EEIG2: variants seen among roughly 807,000 people sequenced by gnomAD.
The protein encoded by EEIG2 is family with sequence similarity 102 member B.
the EEIG2 span, among the ~76,000 whole-genome samples, chr1:108,621,653 G>T: frequency 6.6e-6 from 1 of 152,240 alleles, no homozygotes; most frequent in East Asian, 1.9e-4. Flanking sequence ...AAGACATAGA[G>T]GGGATAGGGA....
At chr1:108,619,060 A>G in the EEIG2 span, among the ~76,000 whole-genome samples, 1 of 152,196 alleles carries the variant, frequency 6.6e-6, no homozygotes, top group East Asian at 1.9e-4. Context: ...AACTTAGTAG[A>G]AGAAAATAAA....
chr1:108,617,054 T>A, the EEIG2 span, among the ~76,000 whole-genome samples: 1 of 151,626 alleles, frequency 6.6e-6, no homozygotes, highest in African/African-American at 2.4e-5. Context: ...GTATTTGAGG[T>A]AGAGGAAACA....
the EEIG2 span, among the ~76,000 whole-genome samples, chr1:108,561,167 G>T: frequency 6.6e-6 from 1 of 152,208 alleles, no homozygotes; most frequent in Admixed American, 6.5e-5. Flanking sequence ...TTGTGGGAGG[G>T]CTTAGAGCCA....
At chr1:108,564,364 A>T in the EEIG2 span, among the ~76,000 whole-genome samples, 1 of 152,246 alleles carries the variant, frequency 6.6e-6, no homozygotes, top group Non-Finnish European at 1.5e-5. Flanking sequence ...TAAGTGACTG[A>T]TAAATGATAA....
At chr1:108,602,926 A>T in the EEIG2 span, among the ~76,000 whole-genome samples, 1 of 151,528 alleles carries the variant, frequency 6.6e-6, no homozygotes, top group African/African-American at 2.4e-5. Context: ...TGAGGTAAGG[A>T]CTTCATGTCT....
At chr1:108,633,274 A>G in the EEIG2 span, among the ~76,000 whole-genome samples, 1 of 151,606 alleles carries the variant, frequency 6.6e-6, no homozygotes, top group African/African-American at 2.4e-5. Flanking sequence ...AAATTAGATG[A>G]CTTATGTAAC....
chr1:108,605,525 G>A, the EEIG2 span, among the ~76,000 whole-genome samples: 1 of 152,126 alleles, frequency 6.6e-6, no homozygotes, highest in Admixed American at 6.5e-5. Context: ...TTTAAAAGTA[G>A]GTAGGGAGTG....
At chr1:108,587,442 T>G in the EEIG2 span, among the ~76,000 whole-genome samples, 1 of 152,162 alleles carries the variant, frequency 6.6e-6, no homozygotes, top group Non-Finnish European at 1.5e-5. Context: ...CTTTAAAGTT[T>G]ACGTTAGGCT....
the EEIG2 span, chr1:108,635,764 T>C: frequency 6.6e-6 from 1 of 152,264 alleles, no homozygotes; most frequent in Non-Finnish European, 1.5e-5. Context: ...AACAAGTGCA[T>C]TTAAGTCAGA....
At chr1:108,625,774 C>CTCTGTGTGTGTGTGTG in the EEIG2 span, 1 of 23,220 alleles carries the variant, frequency 4.3e-5, no homozygotes, top group African/African-American at 6.5e-5. Flanking sequence ...CTCTCTCTCT[C>CTCTGTGTGTGTGTGTG]TGTGTGTGTG....
the EEIG2 span, among the ~76,000 whole-genome samples, chr1:108,607,808 C>G: frequency 1.3e-5 from 2 of 152,188 alleles, no homozygotes; most frequent in African/African-American, 4.8e-5. Context: ...TACTTTCTCT[C>G]CATTCCCAGG....
the EEIG2 span, among the ~76,000 whole-genome samples, chr1:108,580,254 T>C: frequency 1.4e-4 from 21 of 152,310 alleles, 1 homozygote; most frequent in East Asian, 2.7e-3. Context: ...GTGGCGAACT[T>C]AGTAGTGTTG....
the EEIG2 span, among the ~76,000 whole-genome samples, chr1:108,591,671 C>T: frequency 6.6e-6 from 1 of 152,116 alleles, no homozygotes; most frequent in Non-Finnish European, 1.5e-5. Flanking sequence ...TCCTGCCCCT[C>T]CCTGGGGGAC....
the EEIG2 span, among the ~76,000 whole-genome samples, chr1:108,614,719 C>T: frequency 4.6e-5 from 7 of 152,148 alleles, no homozygotes; most frequent in Admixed American, 3.9e-4. Context: ...ATCCCCTCTT[C>T]TCATCATCTC....
the EEIG2 span, among the ~76,000 whole-genome samples, chr1:108,565,054 AAGGTAATTATTTGTAATAAAT>A: frequency 6.6e-6 from 1 of 152,238 alleles, no homozygotes; most frequent in Non-Finnish European, 1.5e-5. Flanking sequence ...TAAAGACTAA[AAGGTAATTATTTGTAATAAAT>A]ATTATTAAAA....
chr1:108,622,473 T>G, the EEIG2 span, among the ~76,000 whole-genome samples: 2 of 152,114 alleles, frequency 1.3e-5, no homozygotes, highest in Non-Finnish European at 2.9e-5. Context: ...GATCTGAGAT[T>G]TGGAAATTGA....
At chr1:108,600,818 G>T in the EEIG2 span, 1 of 830,664 alleles carries the variant, frequency 1.2e-6, no homozygotes, top group Admixed American at 2.9e-5. Flanking sequence ...CATGCTCGCT[G>T]CAGTAATTAA....
the EEIG2 span, among the ~76,000 whole-genome samples, chr1:108,614,563 C>G: frequency 1.2e-4 from 18 of 152,274 alleles, 2 homozygotes; most frequent in African/African-American, 4.1e-4. Context: ...ATCTTCCCAT[C>G]ATAGACTTTA....
the EEIG2 span, chr1:108,560,503 T>C: frequency 1.2e-6 from 2 of 1,612,324 alleles, no homozygotes; most frequent in South Asian, 1.1e-5. Flanking sequence ...CCTTCGTCAA[T>C]GGGGTCCTCT....
Sources: gnomAD v4.1 joint callset for allele counts (sites outside exome capture counted in the v4.1 genomes callset) on GRCh38, gnomAD v4.1.1 for gene constraint, MANE v1.5 for transcripts, NCBI Gene and HGNC (gene_info 2026-07-23, HGNC 2026-07-21) for gene names.